PAFAH1B1: variants seen among roughly 807,000 people sequenced by gnomAD.
PAFAH1B1 encodes platelet activating factor acetylhydrolase 1b regulatory subunit 1.
In PAFAH1B1, 2 loss-of-function variants were observed where a neutral mutation model predicts 57.5. The ratio of observed to expected loss-of-function variants is 0.03; its 90% CI spans 0.01 to 0.11. The LOEUF (loss-of-function observed/expected upper bound fraction) is 0.11. Ranked by LOEUF, PAFAH1B1 falls within the 10% of genes least tolerant of loss-of-function variation. The pLI is 1.00. For synonymous variants in PAFAH1B1, 152 were observed against 169.6 expected, an observed-to-expected ratio of 0.90 and a Z score of 0.81; for missense variants, 257 against 512.0, an observed-to-expected ratio of 0.50 and a Z score of 4.81.
rs538773770 is a variant in PAFAH1B1, at chr17:2,612,908, C to T, written c.-191+18902C>T. On this transcript the variant is annotated intron_variant, in intron 1 of 10. Coordinates refer to ENST00000397195, the MANE Select transcript of PAFAH1B1 (RefSeq NM_000430.4). Reference sequence around the variant, plus strand: ...TACTGGTGTGAGCCAGCATGCCCGGCCTGCCACCTGATTTTGTACCATAAG... The same window carrying T: ...TACTGGTGTGAGCCAGCATGCCCGGTCTGCCACCTGATTTTGTACCATAAG... Among the ~76,000 whole-genome samples the T allele has an allele frequency of 2.5e-3, 374 of 152,208 alleles. 1 individual carries two copies. The highest frequency in any genetic ancestry group is 4.2e-3 in the Non-Finnish European group (287 of 68,006).
At chr17:2,618,778 G>A (rs1198603028) in intron 1 of PAFAH1B1, among the ~76,000 whole-genome samples, 4 of 150,092 alleles carry the variant, frequency 2.7e-5, no homozygotes, top group Non-Finnish European at 4.4e-5. Context: ...CTCACGAGTA[G>A]CTGGGATTAC....
At position 2,670,433 on chromosome 17, in the gene PAFAH1B1, A is replaced by G. The variant is rs2069166026; in HGVS notation, c.568+102A>G. The G allele has an allele frequency of 6.4e-6, 7 of 1,088,670 alleles. No homozygotes were observed. The Admixed American group carries it at 1.2e-4, about 19-fold the overall frequency. 67.4% of individuals were successfully genotyped at this position (1,088,670 alleles called of 1,614,324 possible). A position where few individuals can be genotyped will look rare whatever the true frequency, so the allele number is the denominator to read the frequency against. On this transcript the variant is annotated intron_variant, in intron 6 of 10. Coordinates refer to ENST00000397195, the MANE Select transcript of PAFAH1B1 (RefSeq NM_000430.4). The stretch of plus-strand genomic sequence containing the variant: ...ACAGTGTTCCTTTATTCACCTCTTA[A>G]TTGTCAGTATTGGTGGAAGAGCATA...
At chr17:2,667,862 GAA>G (rs996926175) in intron 5 of PAFAH1B1, among the ~76,000 whole-genome samples, 13 of 151,678 alleles carry the variant, frequency 8.6e-5, no homozygotes, top group African/African-American at 2.7e-4. Flanking sequence ...TTTTAATTAG[GAA>G]AAGAGTTGTT....
At chr17:2,629,454 A>G (rs1309249971) in intron 1 of PAFAH1B1, among the ~76,000 whole-genome samples, 3 of 152,138 alleles carry the variant, frequency 2.0e-5, no homozygotes, top group Non-Finnish European at 4.4e-5. Flanking sequence ...GTGGTCTGAG[A>G]GAGTGCTTGA....
intron 2 of PAFAH1B1, among the ~76,000 whole-genome samples, chr17:2,639,092 G>A (rs1300119737): frequency 6.6e-6 from 1 of 150,952 alleles, no homozygotes; most frequent in Admixed American, 6.6e-5. Context: ...TAGAGATGGG[G>A]TTTCACCGTG....
chr17:2,641,971 C>T (rs974324630), intron 2 of PAFAH1B1: 1 of 152,176 alleles, frequency 6.6e-6, no homozygotes, highest in African/African-American at 2.4e-5. Context: ...TTAGCAACAT[C>T]TCTGGCTTCC....
chr17:2,595,465 G>A (rs1484323982), intron 1 of PAFAH1B1, among the ~76,000 whole-genome samples: 1 of 146,968 alleles, frequency 6.8e-6, no homozygotes, highest in Non-Finnish European at 1.5e-5. Context: ...TAATTGCTGC[G>A]GGGTCCAGTC....
At chr17:2,667,256 C>G in intron 5 of PAFAH1B1, 58 bp downstream of exon 5, 1 of 1,350,126 alleles carries the variant, frequency 7.4e-7, no homozygotes, top group Non-Finnish European at 1.1e-6. Context: ...ATGGCATGAA[C>G]CCGGGAGGCG....
chr17:2,605,419 T>C (rs1196331673), intron 1 of PAFAH1B1, among the ~76,000 whole-genome samples: 2 of 152,232 alleles, frequency 1.3e-5, no homozygotes, highest in East Asian at 3.8e-4. Flanking sequence ...AGCTTTTTAC[T>C]GTCTTTAATG....
rs868052564 is a variant in PAFAH1B1, at chr17:2,674,101, G to A, written c.713G>A (p.Arg238His). The change falls in exon 8 of 11, where the codon CGT becomes CAT. Residue 238 changes from arginine to histidine, a missense_variant. Arg to His is a conservative substitution (Grantham distance 29, BLOSUM62 0). Transcript: ENST00000397195. ...KTFTGHREWV[R>H]MVRPNQDGTL... ...TTCACAGGACACAGAGAATGGGTACGTATGGTACGGCCAAATCAAGATGGC... is the reference window on the plus strand; with the variant it reads ...TTCACAGGACACAGAGAATGGGTACATATGGTACGGCCAAATCAAGATGGC... 6.2e-7 allele frequency: 1 copy of A among 1,613,998 alleles called. No homozygotes were observed. Among genetic ancestry groups the A allele is most frequent in the Non-Finnish European group, 8.5e-7 (1 of 1,179,978 alleles).
chr17:2,594,341 C>T (rs1315238678), intron 1 of PAFAH1B1, among the ~76,000 whole-genome samples: 3 of 152,226 alleles, frequency 2.0e-5, no homozygotes, highest in Non-Finnish European at 4.4e-5. Context: ...CGCCCTCCTC[C>T]CTCGGTGACT....
chr17:2,626,962 G>T (rs1032373363), intron 1 of PAFAH1B1, among the ~76,000 whole-genome samples: 5 of 152,110 alleles, frequency 3.3e-5, no homozygotes, highest in African/African-American at 1.2e-4. Context: ...TTACTGACTT[G>T]TTTGAGTTCA....
intron 2 of PAFAH1B1, among the ~76,000 whole-genome samples, chr17:2,656,510 A>G (rs529813733): frequency 3.9e-5 from 6 of 152,154 alleles, no homozygotes; most frequent in Admixed American, 3.9e-4. Flanking sequence ...ATCAGGTGGC[A>G]GTGAATGACT....
intron 1 of PAFAH1B1, among the ~76,000 whole-genome samples, chr17:2,622,519 A>G (rs2068437115): frequency 1.3e-5 from 2 of 152,228 alleles, no homozygotes; most frequent in African/African-American, 4.8e-5. Context: ...TCCAGGTCTC[A>G]GATCCAGGTC....
At position 2,684,046 on chromosome 17, in the gene PAFAH1B1, A is replaced by G. The variant is rs546825552; in HGVS notation, c.*2244A>G. On this transcript the variant is annotated 3_prime_UTR_variant, in exon 11 of 11. Transcript: ENST00000397195. The stretch of plus-strand genomic sequence containing the variant: ...CAGCACACAGCGACTTGCGTTGACA[A>G]AGGAGGAGGAAACGATTACTCTGTA... 7.2e-5 allele frequency: 11 copies of G among 152,734 alleles called. No homozygotes were observed. The South Asian group carries it at 1.4e-3, about 20-fold the overall frequency. 9.5% of individuals were successfully genotyped at this position (152,734 alleles called of 1,614,324 possible). A position where few individuals can be genotyped will look rare whatever the true frequency, so the allele number is the denominator to read the frequency against.
intron 2 of PAFAH1B1, among the ~76,000 whole-genome samples, chr17:2,658,685 C>T (rs1364299826): frequency 6.6e-6 from 1 of 152,176 alleles, no homozygotes; most frequent in East Asian, 1.9e-4. Context: ...GAATTACATT[C>T]TTCTTCACTT....
intron 1 of PAFAH1B1, among the ~76,000 whole-genome samples, chr17:2,633,961 CTTTTTT>C (rs553588827): frequency 9.2e-5 from 11 of 119,744 alleles, no homozygotes; most frequent in African/African-American, 3.0e-4. Flanking sequence ...AGTACCAAAC[CTTTTTT>C]TTTTTTTTTT....
chr17:2,656,218 C>T (rs1255751819), intron 2 of PAFAH1B1, among the ~76,000 whole-genome samples: 2 of 152,176 alleles, frequency 1.3e-5, no homozygotes, highest in Non-Finnish European at 2.9e-5. Flanking sequence ...GCCACTGCGC[C>T]TGGCCACAAT....
intron 2 of PAFAH1B1, among the ~76,000 whole-genome samples, chr17:2,658,481 G>A (rs1246253851): frequency 1.3e-5 from 2 of 152,128 alleles, no homozygotes; most frequent in African/African-American, 4.8e-5. Context: ...TTTTTAAAAA[G>A]TGCAGTGTGA....
Sources: allele counts gnomAD v4.1 joint callset (sites outside exome capture counted in the v4.1 genomes callset), GRCh38; gene constraint gnomAD v4.1.1; transcripts MANE v1.5; gene names NCBI Gene and HGNC (gene_info 2026-07-23, HGNC 2026-07-21).